The following HOXB3 variants were observed in gnomAD, a reference collection of about 807,000 sequenced individuals.
The protein encoded by HOXB3 is homeobox B3.
A neutral mutation model predicts 29.2 loss-of-function variants in HOXB3; 17 were observed. The ratio of observed to expected loss-of-function variants is 0.58; its 90% CI spans 0.40 to 0.87. The LOEUF (loss-of-function observed/expected upper bound fraction) is 0.87. Ranked by LOEUF, HOXB3 falls within the 40% of genes least tolerant of loss-of-function variation. HOXB3 has a pLI of 0.00. For missense variants in HOXB3, 637 were observed against 616.3 expected (o/e 1.03, Z -0.35); for synonymous variants, 317 against 285.9 (o/e 1.11, Z -1.10).
chr17:48,556,417 C>T (rs1206961469), intron 2 of HOXB3: 1 of 152,162 alleles, frequency 6.6e-6, no homozygotes, highest in Non-Finnish European at 1.5e-5. Context: ...CTCCAACCCT[C>T]ACACTCTGGC....
chr17:48,561,890 CTT>C (rs1188929868), intron 2 of HOXB3, among the ~76,000 whole-genome samples: 5 of 152,188 alleles, frequency 3.3e-5, no homozygotes, highest in Non-Finnish European at 5.9e-5. Flanking sequence ...TCTAAGGTCT[CTT>C]TTTGGACTGA....
Position 48,554,646 on chromosome 17 carries a change from G to A in HOXB3, c.-159+885C>T. 2.8e-6 allele frequency: 2 copies of A among 702,302 alleles called. No individual in the cohort carries two copies. The highest frequency in any genetic ancestry group is 1.7e-5 in the African/African-American group (1 of 57,376). The allele number at this position is 702,302 out of a possible 1,614,324, so 43.5% of individuals were successfully genotyped here. ...CCAGCCACCTACGATGGCCCAAGGA[G>A]GCGAAGAAGAGCAAGCGATCAGGAC... On this transcript the variant is annotated intron_variant, in intron 3 of 4. Transcript: ENST00000498678. This position sits in a 1 kb window ranked among gnomAD's most constrained non-coding sequence, Gnocchi z 4.1.
chr17:48,564,492 C>T (rs1464566432), intron 2 of HOXB3, among the ~76,000 whole-genome samples: 1 of 152,180 alleles, frequency 6.6e-6, no homozygotes, highest in African/African-American at 2.4e-5. Flanking sequence ...GGATCTGGCA[C>T]TCCGGGCGCG....
intron 1 of HOXB3, among the ~76,000 whole-genome samples, chr17:48,577,672 G>A (rs1180241667): frequency 2.6e-5 from 4 of 152,164 alleles, no homozygotes; most frequent in Admixed American, 1.3e-4. Flanking sequence ...GGGCCCACCA[G>A]GCCATAAAAA....
At chr17:48,585,730 A>C (rs899042564) in intron 1 of HOXB3, among the ~76,000 whole-genome samples, 5 of 152,224 alleles carry the variant, frequency 3.3e-5, no homozygotes, top group Admixed American at 1.3e-4. Flanking sequence ...AAAGAAAACG[A>C]ATTAGAGAGA....
At chr17:48,581,381 T>G (rs1180823325) in intron 1 of HOXB3, 1 of 152,196 alleles carries the variant, frequency 6.6e-6, no homozygotes, top group Admixed American at 6.5e-5. Context: ...GTCCAATAGG[T>G]AATCTCAGAC....
At chr17:48,579,210 C>T (rs1408683913) in intron 1 of HOXB3, 2 of 152,238 alleles carry the variant, frequency 1.3e-5, no homozygotes, top group African/African-American at 4.8e-5. Flanking sequence ...ATAGACAGAG[C>T]GCTGGGGTAA....
chr17:48,568,841 C>T (rs1044324084), intron 2 of HOXB3, among the ~76,000 whole-genome samples: 1 of 152,082 alleles, frequency 6.6e-6, no homozygotes, highest in South Asian at 2.1e-4. Flanking sequence ...CACAGAGCAC[C>T]GTGTGAAGAG....
At chr17:48,566,184 A>AG (rs1305843787) in intron 2 of HOXB3, among the ~76,000 whole-genome samples, 1 of 152,208 alleles carries the variant, frequency 6.6e-6, no homozygotes, top group African/African-American at 2.4e-5. Flanking sequence ...GGTAAGAGAC[A>AG]GGGTGCTTCA....
chr17:48,569,446 T>C (rs1373505214), intron 2 of HOXB3, among the ~76,000 whole-genome samples: 1 of 144,452 alleles, frequency 6.9e-6, no homozygotes, highest in Non-Finnish European at 1.5e-5. Context: ...TCCCTTCTCC[T>C]CCTGCTTCTG....
rs2069815467 is a variant in HOXB3, at chr17:48,577,831, G to C, written c.-424-3817C>G. 13 of 1,387,632 alleles carry C rather than the reference G, an allele frequency of 9.4e-6. No individual in the cohort carries two copies. In the East Asian group the frequency reaches 3.6e-4, roughly 38 times the overall value. 86.0% of individuals were successfully genotyped at this position (1,387,632 alleles called of 1,614,324 possible). On this transcript the variant is annotated intron_variant, in intron 1 of 4. Coordinates refer to ENST00000498678, the MANE Select transcript of HOXB3 (RefSeq NM_001384749.1). ...GTCCCTTTGGTGTAAAGCTCCAGGG[G>C]TGGGAGGGGGAAGGGGTGCCCACGC...
chr17:48,571,146 G>A (rs563175314), intron 2 of HOXB3, among the ~76,000 whole-genome samples: 3 of 152,206 alleles, frequency 2.0e-5, no homozygotes, highest in South Asian at 2.1e-4. Context: ...ATCGCGAGCC[G>A]AGCACTTTCT....
intron 2 of HOXB3, chr17:48,556,486 T>C: frequency 7.3e-6 from 1 of 137,172 alleles, no homozygotes; most frequent in East Asian, 2.1e-4. Flanking sequence ...TCTCTATTCC[T>C]CCCAAATCTC....
intron 2 of HOXB3, among the ~76,000 whole-genome samples, chr17:48,573,063 T>C (rs1242449055): frequency 3.3e-5 from 5 of 152,062 alleles, no homozygotes; most frequent in Non-Finnish European, 7.4e-5. Context: ...ACTGACTCCC[T>C]CAGCCTAAGA....
chr17:48,576,356 A>G (rs1597850885), intron 1 of HOXB3: 1 of 177,868 alleles, frequency 5.6e-6, no homozygotes, highest in African/African-American at 2.4e-5. Flanking sequence ...TGGCGTGATT[A>G]AAGATGAAAC....
chr17:48,573,756 G>A lies in HOXB3; in HGVS notation c.-247+81C>T, dbSNP rs144249086. ...AGTTAAAAAAGAAAAAGGAAGAGGC[G>A]AGAGAGTGTTTCTTCTTTCAGTTGT... On this transcript the variant is annotated intron_variant, in intron 2 of 4. Coordinates refer to ENST00000498678, the MANE Select transcript of HOXB3 (RefSeq NM_001384749.1). The A allele has an allele frequency of 2.5e-3, 1,681 of 663,230 alleles. 57 individuals carry two copies. The East Asian group carries it at 0.045, about 18-fold the overall frequency. 41.1% of individuals were successfully genotyped at this position (663,230 alleles called of 1,614,324 possible). A position where few individuals can be genotyped will look rare whatever the true frequency, so the allele number is the denominator to read the frequency against.
intron 1 of HOXB3, among the ~76,000 whole-genome samples, chr17:48,584,672 G>C (rs894903606): frequency 1.3e-5 from 2 of 152,182 alleles, no homozygotes; most frequent in Non-Finnish European, 1.5e-5. Flanking sequence ...ATTATCTTTG[G>C]AAGAGAAAAT....
At chr17:48,580,684 C>T (rs1276406190) in intron 1 of HOXB3, 1 of 152,194 alleles carries the variant, frequency 6.6e-6, no homozygotes, top group East Asian at 1.9e-4. Context: ...AGGGCCCCTC[C>T]CAGCCTCTCA....
chr17:48,556,248 C>T lies in HOXB3; in HGVS notation c.-246-630G>A, dbSNP rs189002158. ...AGGAAGGGCGGTGAAGTTCACAGCT[C>T]CCCCCATACCCCACTAGTGAACTAT... On this transcript the variant is annotated intron_variant, in intron 2 of 4. Coordinates refer to ENST00000498678, the MANE Select transcript of HOXB3 (RefSeq NM_001384749.1). Among the ~76,000 whole-genome samples, 1,200 of 151,710 alleles carry T rather than the reference C, an allele frequency of 7.9e-3. 19 individuals are homozygous for T. The highest frequency in any genetic ancestry group is 0.01 in the Non-Finnish European group (679 of 67,896).
Sources: allele counts gnomAD v4.1 joint callset (sites outside exome capture counted in the v4.1 genomes callset), GRCh38; gene constraint gnomAD v4.1.1; non-coding constraint Gnocchi (gnomAD v3.1); transcripts MANE v1.5; gene names NCBI Gene and HGNC (gene_info 2026-07-23, HGNC 2026-07-21).